Variants in CELSR3 observed in about 807,000 individuals in gnomAD.
The protein encoded by CELSR3 is cadherin EGF LAG seven-pass G-type receptor 3, also known as EGF-like protein 1.
A neutral mutation model predicts 270.0 loss-of-function variants in CELSR3; 73 were observed. The observed-to-expected ratio is 0.27, with a 90% confidence interval of 0.22 to 0.33. The LOEUF (loss-of-function observed/expected upper bound fraction) is 0.33. Among genes scored for constraint, CELSR3 ranks in the 10% least tolerant of loss-of-function variants. The pLI, the probability that CELSR3 is intolerant of heterozygous loss-of-function variation, is 1.00. For missense variants in CELSR3, 3,614 were observed against 4,533.8 expected (o/e 0.80, Z 5.83); for synonymous variants, 1,780 against 1,905.4 (o/e 0.93, Z 1.71).
At position 48,650,782 on chromosome 3, in the gene CELSR3, C is replaced by A; in HGVS notation, c.6370+110G>T. Reference sequence around the variant, plus strand: ...GGGTTCCCTGGGTGTAAGTGGTCTCCCTCAGGAGAAGCTTCCAGAGTCCCC... The same window carrying A: ...GGGTTCCCTGGGTGTAAGTGGTCTCACTCAGGAGAAGCTTCCAGAGTCCCC... On this transcript the variant is annotated intron_variant, in intron 15 of 34. Coordinates refer to ENST00000164024, the MANE Select transcript of CELSR3 (RefSeq NM_001407.3). The surrounding 1 kb of genome is among the most constrained non-coding windows in gnomAD (Gnocchi z 5.1). 1 of 1,288,262 alleles carries A rather than the reference C, an allele frequency of 7.8e-7. No individual in the cohort carries two copies. The highest frequency in any genetic ancestry group is 1.1e-6 in the Non-Finnish European group (1 of 934,138). The allele number at this position is 1,288,262 out of a possible 1,614,324, so 79.8% of individuals were successfully genotyped here.
In CELSR3 at chr3:48,652,342, C is replaced by A. The variant is rs567301835; in HGVS notation, c.5751+95G>T. ...GGGTCATTCACCCCCTCGCACCAAC[C>A]CCCACTTGAATACTGCCTTTCAGGT... On this transcript the variant is annotated intron_variant, in intron 11 of 34. Transcript: ENST00000164024. The surrounding 1 kb of genome is among the most constrained non-coding windows in gnomAD (Gnocchi z 4.3). 217 of 1,036,120 alleles carry A rather than the reference C, an allele frequency of 2.1e-4. 2 individuals carry two copies. The South Asian group carries it at 2.6e-3, about 12-fold the overall frequency. The allele number at this position is 1,036,120 out of a possible 1,614,324, so 64.2% of individuals were successfully genotyped here.
chr3:48,661,249 C>T lies in CELSR3; in HGVS notation c.1386G>A (p.Ala462=). Reference sequence around the variant, plus strand: ...GGTAGCGCAGGTTGGCGTTGGGGGGCGCGTCGCCGTCAGTGGCACGCAGCT... The same window carrying T: ...GGTAGCGCAGGTTGGCGTTGGGGGGTGCGTCGCCGTCAGTGGCACGCAGCT... ...ILQLRATDGD[A]PPNANLRYRF... is the part of the protein sequence containing the mutation. Residue 462 remains alanine (A), a synonymous_variant, in exon 1 of 35, where the codon GCG becomes GCA. Coordinates refer to ENST00000164024, the MANE Select transcript of CELSR3 (RefSeq NM_001407.3). 6.2e-7 allele frequency: 1 copy of T among 1,608,410 alleles called. No individual in the cohort carries two copies.
At position 48,644,796 on chromosome 3, in the gene CELSR3, C is replaced by T. The variant is rs1378594128; in HGVS notation, c.8005G>A (p.Gly2669Arg). The change falls in exon 26 of 35, where the codon GGG becomes AGG. Residue 2669 changes from glycine to arginine, a missense_variant. Physicochemically the swap from Gly to Arg is moderately radical, Grantham distance 125 (BLOSUM62 -2). Transcript: ENST00000164024. This position sits in a 1 kb window ranked among gnomAD's most constrained non-coding sequence, Gnocchi z 4.8. ...LAVGLDPEGY[G>R]NPDFCWISVH... ...GAGATCCAGCAGAAGTCAGGGTTCCCATAGCCCTCAGGGTCCAGGCCCACA... is the reference window on the plus strand; with the variant it reads ...GAGATCCAGCAGAAGTCAGGGTTCCTATAGCCCTCAGGGTCCAGGCCCACA... The T allele has an allele frequency of 6.2e-7, 1 of 1,613,306 alleles. No individual in the cohort carries two copies. Among genetic ancestry groups the T allele is most frequent in the African/African-American group, 1.3e-5 (1 of 74,912 alleles).
At position 48,661,011 on chromosome 3, in the gene CELSR3, C is replaced by T; in HGVS notation, c.1624G>A (p.Ala542Thr). ...HITVLDENDN[A>T]PQFSEKRYVA... ...TAGCGCTTCTCGCTGAACTGAGGAG[C>T]ATTGTCGTTCTCGTCTAGCACAGTT... The change falls in exon 1 of 35, where the codon GCT becomes ACT. Residue 542 changes from alanine (A) to threonine (T), a missense_variant. Ala to Thr is a moderately conservative substitution (Grantham distance 58). Coordinates refer to ENST00000164024, the MANE Select transcript of CELSR3 (RefSeq NM_001407.3). 1 of 1,613,912 alleles carries T rather than the reference C, an allele frequency of 6.2e-7. No individual in the cohort carries two copies.
rs200601766 is a variant in CELSR3, at chr3:48,657,079, C to T, written c.4018G>A (p.Ala1340Thr). Residue 1340 changes from alanine (A) to threonine (T), a missense_variant, in exon 2 of 35, where the codon GCG (alanine) becomes ACG (threonine). Around this residue, in one of 7 missense-constraint regions of CELSR3, gnomAD observed 1,331 missense variants for 1,933.7 expected, o/e 0.69. Coordinates refer to ENST00000164024, the MANE Select transcript of CELSR3 (RefSeq NM_001407.3). The surrounding 1 kb of genome is among the most constrained non-coding windows in gnomAD (Gnocchi z 5.4). ...FSALAPRGAG[A>T]GAAGPWFSSE... ...CTGAACCAGGGCCCTGCAGCGCCCG[C>T]CCCGGCCCCACGTGGAGCTAGCGCC... 1.2e-6 allele frequency: 2 copies of T among 1,613,850 alleles called. No individual in the cohort carries two copies. Among genetic ancestry groups the T allele is most frequent in the African/African-American group, 2.7e-5 (2 of 75,064 alleles).
Position 48,659,317 on chromosome 3 carries a change from G to T in CELSR3, c.3318C>A (p.Ile1106=), listed in dbSNP as rs149132560. 1 of 1,614,012 alleles carries T rather than the reference G, an allele frequency of 6.2e-7. No homozygotes were observed. Among genetic ancestry groups the T allele is most frequent in the Non-Finnish European group, 8.5e-7 (1 of 1,180,026 alleles). ...EGPNAHIMYQ[I]VEGNIPELFQ... is the part of the protein sequence containing the mutation. ...ACAGCTCAGGGATGTTCCCCTCCAC[G>T]ATCTGGTACATTATATGGGCATTGG... Residue 1106 remains isoleucine, a synonymous_variant, in exon 1 of 35, where the codon ATC becomes ATA. Transcript: ENST00000164024. This position sits in a 1 kb window ranked among gnomAD's most constrained non-coding sequence, Gnocchi z 8.1.
Position 48,650,477 on chromosome 3 carries a change from C to T in CELSR3, c.6472+3G>A, listed in dbSNP as rs1489080065. 5 of 1,533,682 alleles carry T rather than the reference C, an allele frequency of 3.3e-6. No homozygotes were observed. Among genetic ancestry groups the T allele is most frequent in the Admixed American group, 1.7e-5 (1 of 57,766 alleles). The stretch of plus-strand genomic sequence containing the variant: ...GTGATGTCCTTTCCCCCCACATACT[C>T]ACCCAGGGCCCCCCGGGGACAGGGC... On this transcript the variant is annotated splice_donor_region_variant and intron_variant, in intron 16 of 34. Coordinates refer to ENST00000164024, the MANE Select transcript of CELSR3 (RefSeq NM_001407.3). The surrounding 1 kb of genome is among the most constrained non-coding windows in gnomAD (Gnocchi z 5.1).
chr3:48,655,727 G>T lies in CELSR3; in HGVS notation c.4741+9C>A. 6.2e-7 allele frequency: 1 copy of T among 1,610,938 alleles called. No individual in the cohort carries two copies. The highest frequency in any genetic ancestry group is 8.5e-7 in the Non-Finnish European group (1 of 1,177,450). ...CGCACCCTTTCGCCGTCACATCCGG[G>T]GCACCCACCCGTGGAATATGTGAGC... On this transcript the variant is annotated intron_variant, in intron 4 of 34. Coordinates refer to ENST00000164024, the MANE Select transcript of CELSR3 (RefSeq NM_001407.3). The surrounding 1 kb of genome is among the most constrained non-coding windows in gnomAD (Gnocchi z 5.8).
intron 28 of CELSR3, 50 bp from the exon 29 acceptor site, chr3:48,643,133 C>T: frequency 8.0e-7 from 1 of 1,254,826 alleles, no homozygotes; most frequent in Middle Eastern, 1.9e-4. Context: ...CAATCAGGGA[C>T]CAGTATAAGT....
At position 48,646,016 on chromosome 3, in the gene CELSR3, G is replaced by GGGGAAGGCTGGGACTATT; in HGVS notation, c.7463+56_7463+73dup. The GGGGAAGGCTGGGACTATT allele has an allele frequency of 1.3e-6, 2 of 1,589,580 alleles. No homozygotes were observed. Among genetic ancestry groups the GGGGAAGGCTGGGACTATT allele is most frequent in the South Asian group, 2.2e-5 (2 of 89,900 alleles). On this transcript the variant is annotated intron_variant, in intron 22 of 34. Transcript: ENST00000164024. The surrounding 1 kb of genome is among the most constrained non-coding windows in gnomAD (Gnocchi z 4.8). Reference sequence around the variant, plus strand: ...CACAACAGCACTAGTGGGGGCCCCAGGGGAAGGCTGGGACTATTAGTTGGC... The same window carrying GGGGAAGGCTGGGACTATT: ...CACAACAGCACTAGTGGGGGCCCCAGGGGAAGGCTGGGACTATTGGGAAGGCTGGGACTATTAGTTGGC...
In CELSR3 at chr3:48,661,643, T is replaced by C. The variant is rs1051589441; in HGVS notation, c.992A>G (p.Gln331Arg). 13 of 1,601,536 alleles carry C rather than the reference T, an allele frequency of 8.1e-6. No homozygotes were observed. The highest frequency in any genetic ancestry group is 1.1e-5 in the Non-Finnish European group (13 of 1,174,166). Residue 331 changes from glutamine (Q) to arginine (R), a missense_variant, in exon 1 of 35, where the codon CAG becomes CGG. Gln to Arg is a conservative substitution (Grantham distance 43). Transcript: ENST00000164024. The stretch of plus-strand genomic sequence containing the variant: ...TGCCTCATTCTCCGGCACCAGCGTC[T>C]GGTAGTTGTACTGCGGAAACTGCGG... ...RHPQFPQYNY[Q>R]TLVPENEAAG...
Position 48,657,129 on chromosome 3 carries a change from C to T in CELSR3, c.3968G>A (p.Gly1323Asp), listed in dbSNP as rs752961939. The T allele has an allele frequency of 7.4e-5, 120 of 1,613,872 alleles. No homozygotes were observed. Among genetic ancestry groups the T allele is most frequent in the Middle Eastern group, 1.6e-4 (1 of 6,084 alleles). ...FNIQNDTDVG[G>D]TVLNVSFSAL... ...CGAGAAACTCACATTGAGCACGGTG[C>T]CCCCTACGTCTGTGTCGTTCTGGAT... Residue 1323 changes from glycine (G) to aspartate (D), a missense_variant, in exon 2 of 35, where the codon GGC becomes GAC. Physicochemically the swap from Gly to Asp is moderately conservative, Grantham distance 94. Around this residue, in one of 7 missense-constraint regions of CELSR3, gnomAD observed 1,331 missense variants for 1,933.7 expected, o/e 0.69. Transcript: ENST00000164024. The surrounding 1 kb of genome is among the most constrained non-coding windows in gnomAD (Gnocchi z 5.4).
Position 48,662,561 on chromosome 3 carries a change from G to A in CELSR3, c.74C>T (p.Ser25Phe). The change falls in exon 1 of 35, where the codon TCT becomes TTT. Residue 25 changes from serine to phenylalanine, a missense_variant. Ser to Phe is a radical substitution (Grantham distance 155). Around this residue, in one of 7 missense-constraint regions of CELSR3, gnomAD observed 470 missense variants for 469.7 expected, o/e 1.00. Transcript: ENST00000164024. The surrounding 1 kb of genome is among the most constrained non-coding windows in gnomAD (Gnocchi z 7.1). ...STPILLLLLL[S>F]LFPLSQEELG... ...CTCCTCCTGGCTGAGGGGGAACAAA[G>A]AGAGGAGAAGGAGCAGGAGTATGGG... 3 of 1,578,496 alleles carry A rather than the reference G, an allele frequency of 1.9e-6. No homozygotes were observed. Among genetic ancestry groups the A allele is most frequent in the Non-Finnish European group, 2.6e-6 (3 of 1,162,728 alleles).
rs919443990 is a variant in CELSR3, at chr3:48,662,713, CCCGGGCCCCTG to C, written c.-90_-80del. 1 of 573,984 alleles carries C rather than the reference CCCGGGCCCCTG, an allele frequency of 1.7e-6. No homozygotes were observed. The highest frequency in any genetic ancestry group is 2.6e-6 in the Non-Finnish European group (1 of 389,874). The allele number at this position is 573,984 out of a possible 1,614,324, so 35.6% of individuals were successfully genotyped here. A position where few individuals can be genotyped will look rare whatever the true frequency, so the allele number is the denominator to read the frequency against. On this transcript the variant is annotated 5_prime_UTR_variant, in exon 1 of 35. Transcript: ENST00000164024. This position sits in a 1 kb window ranked among gnomAD's most constrained non-coding sequence, Gnocchi z 7.1. ...GCTGGCCCCGCCGCTCGGGCCCCCTCCCGGGCCCCTGCCGCCGCCCCGGGCCCCCGCCCCTC... is the reference window on the plus strand; with the variant it reads ...GCTGGCCCCGCCGCTCGGGCCCCCTCCCGCCGCCCCGGGCCCCCGCCCCTC...
At position 48,658,779 on chromosome 3, in the gene CELSR3, G is replaced by T; in HGVS notation, c.3748+108C>A. 7.2e-7 allele frequency: 1 copy of T among 1,382,540 alleles called. No individual in the cohort carries two copies. The allele number at this position is 1,382,540 out of a possible 1,614,324, so 85.6% of individuals were successfully genotyped here. ...GGTGCAGGAACCCTACCCTTAAGGG[G>T]TTCTTGGAAGGCTTAGAAATCCCTC... On this transcript the variant is annotated intron_variant, in intron 1 of 34. Transcript: ENST00000164024. The surrounding 1 kb of genome is among the most constrained non-coding windows in gnomAD (Gnocchi z 4.7).
intron 34 of CELSR3, among the ~76,000 whole-genome samples, chr3:48,638,814 C>T (rs1182170657): frequency 6.6e-6 from 1 of 151,948 alleles, no homozygotes; most frequent in East Asian, 1.9e-4. Flanking sequence ...CAAACCCCTG[C>T]TCTTTCCTCC....
In CELSR3 at chr3:48,658,922, C is replaced by T. The variant is rs1559481657; in HGVS notation, c.3713G>A (p.Arg1238His). ...LRLSRKLDNN[R>H]PLVASMLVTV... ...CACCAACATGGAGGCCACCAGTGGG[C>T]GGTTATTGTCTAGCTTTCGGCTGAG... The change falls in exon 1 of 35, where the codon CGC becomes CAC. Residue 1238 changes from arginine (R) to histidine (H), a missense_variant. This residue lies in a region of CELSR3 where 1,331 missense variants were observed against 1,933.7 expected (regional missense o/e 0.69). Coordinates refer to ENST00000164024, the MANE Select transcript of CELSR3 (RefSeq NM_001407.3). This position sits in a 1 kb window ranked among gnomAD's most constrained non-coding sequence, Gnocchi z 4.7. 4 of 1,614,034 alleles carry T rather than the reference C, an allele frequency of 2.5e-6. No individual in the cohort carries two copies. Among genetic ancestry groups the T allele is most frequent in the South Asian group, 1.1e-5 (1 of 91,080 alleles).
Position 48,657,220 on chromosome 3 carries a change from C to G in CELSR3, c.3877G>C (p.Gly1293Arg). The G allele has an allele frequency of 6.2e-7, 1 of 1,613,698 alleles. No homozygotes were observed. Among genetic ancestry groups the G allele is most frequent in the Non-Finnish European group, 8.5e-7 (1 of 1,179,912 alleles). Residue 1293 changes from glycine to arginine, a missense_variant, in exon 2 of 35, where the codon GGC (glycine) becomes CGC (arginine). By Grantham distance (125) the Gly-to-Arg change is moderately radical. This residue lies in a region of CELSR3 where 1,331 missense variants were observed against 1,933.7 expected (regional missense o/e 0.69). Transcript: ENST00000164024. This position sits in a 1 kb window ranked among gnomAD's most constrained non-coding sequence, Gnocchi z 5.4. ...WQERFLSPLL[G>R]RFLEGVAAVL... ...GCAGCCACGCCCTCGAGGAAGCGGC[C>G]CAGCAGCGGTGACAGGAAGCGCTCC... is the stretch of plus-strand genomic sequence containing the variant.
rs2047139964 is a variant in CELSR3, at chr3:48,651,820, T to C, written c.5923+57A>G. The C allele has an allele frequency of 4.5e-6, 7 of 1,556,498 alleles. No homozygotes were observed. The highest frequency in any genetic ancestry group is 6.1e-6 in the Non-Finnish European group (7 of 1,154,522). ...CCTCCTTCAGGTTCCCCAGTCTTCA[T>C]CATGGGCCCCTAACGCCTGCCCAGG... On this transcript the variant is annotated intron_variant, in intron 12 of 34. Transcript: ENST00000164024. This position sits in a 1 kb window ranked among gnomAD's most constrained non-coding sequence, Gnocchi z 7.4.
Sources: gnomAD v4.1 joint callset for allele counts (sites outside exome capture counted in the v4.1 genomes callset) on GRCh38, gnomAD v4.1.1 for gene constraint, gnomAD v4.1.1 regional missense constraint, Gnocchi (gnomAD v3.1) non-coding constraint, MANE v1.5 for transcripts, NCBI Gene and HGNC (gene_info 2026-07-23, HGNC 2026-07-21) for gene names.